The following DHRS7B variants were observed in gnomAD, a reference collection of about 807,000 sequenced individuals.
The protein encoded by DHRS7B is peroxisomal reductase activating PPAR-gamma.
Under a neutral mutation model 26.4 loss-of-function variants are expected in DHRS7B, and 24 were observed. The observed-to-expected ratio is 0.91, with a 90% confidence interval of 0.66 to 1.28. The LOEUF is 1.28. DHRS7B is among the 50% of genes most tolerant of loss of function. The pLI is 0.00. For synonymous variants in DHRS7B, 142 were observed against 166.4 expected, an observed-to-expected ratio of 0.85 and a Z score of 1.13; for missense variants, 368 against 419.4, an observed-to-expected ratio of 0.88 and a Z score of 1.07.
intron 1 of DHRS7B, among the ~76,000 whole-genome samples, chr17:21,141,199 C>G (rs986769831): frequency 6.6e-6 from 1 of 152,088 alleles, no homozygotes; most frequent in East Asian, 1.9e-4. Flanking sequence ...CCAGACACCC[C>G]CAGGAGGCCA....
chr17:21,186,253 G>A (rs113778741), intron 5 of DHRS7B, among the ~76,000 whole-genome samples: 1,757 of 152,354 alleles, frequency 0.012, 33 homozygotes, highest in African/African-American at 0.04. Flanking sequence ...GTGGTCCACA[G>A]TGTCCTTAGT....
At chr17:21,127,090 G>A (rs916457861) in intron 1 of DHRS7B, 99 bp downstream of exon 1, 4 of 1,333,994 alleles carry the variant, frequency 3.0e-6, no homozygotes, top group Middle Eastern at 1.9e-4. Flanking sequence ...GCGGTGTAGT[G>A]GTCGAGCTAA....
intron 1 of DHRS7B, among the ~76,000 whole-genome samples, chr17:21,149,114 A>G (rs1469023636): frequency 2.6e-5 from 4 of 152,166 alleles, no homozygotes; most frequent in Non-Finnish European, 5.9e-5. Context: ...GTCTGGCAAC[A>G]GACTTCTCAA....
chr17:21,151,443 G>A (rs538021031), intron 1 of DHRS7B, among the ~76,000 whole-genome samples: 2 of 151,022 alleles, frequency 1.3e-5, no homozygotes, highest in South Asian at 2.1e-4. Context: ...AACCTGGGAG[G>A]CGGAGTTGGC....
At chr17:21,180,071 T>C (rs1022384104) in intron 3 of DHRS7B, among the ~76,000 whole-genome samples, 10 of 140,788 alleles carry the variant, frequency 7.1e-5, no homozygotes, top group African/African-American at 2.5e-4. Context: ...CCAGCCCACT[T>C]TCTTTTTTTT....
At chr17:21,184,524 T>C in intron 5 of DHRS7B, 61 bp downstream of exon 5, 1 of 1,482,064 alleles carries the variant, frequency 6.7e-7, no homozygotes, top group Admixed American at 1.8e-5. Context: ...ATTATAAAAA[T>C]AACACATTTA....
chr17:21,183,545 G>C, intron 3 of DHRS7B, 49 bp from the exon 4 acceptor site: 1 of 1,569,730 alleles, frequency 6.4e-7, no homozygotes, highest in Non-Finnish European at 8.7e-7. Flanking sequence ...ACATAGCTCA[G>C]ATGGCCTGCC....
chr17:21,129,717 AAAAAAAAG>A (rs1426792723), intron 1 of DHRS7B, among the ~76,000 whole-genome samples: 1 of 151,210 alleles, frequency 6.6e-6, no homozygotes, highest in Non-Finnish European at 1.5e-5. Context: ...AAAAAAAAAA[AAAAAAAAG>A]AAAAAGAAAA....
At chr17:21,186,349 T>C (rs1974634713) in intron 5 of DHRS7B, among the ~76,000 whole-genome samples, 1 of 152,250 alleles carries the variant, frequency 6.6e-6, no homozygotes, top group African/African-American at 2.4e-5. Context: ...CTGAGAGCTC[T>C]GGGGAGACCC....
At chr17:21,168,109 G>A (rs921452176) in intron 1 of DHRS7B, among the ~76,000 whole-genome samples, 4 of 152,228 alleles carry the variant, frequency 2.6e-5, no homozygotes, top group Non-Finnish European at 5.9e-5. Flanking sequence ...AGCTAGGAAA[G>A]TGTTGGCACA....
intron 3 of DHRS7B, among the ~76,000 whole-genome samples, chr17:21,180,672 G>A (rs1184233308): frequency 6.6e-6 from 1 of 152,070 alleles, no homozygotes; most frequent in Admixed American, 6.6e-5. Flanking sequence ...TGGAGCATGA[G>A]GGTAGGAAGG....
intron 1 of DHRS7B, among the ~76,000 whole-genome samples, chr17:21,157,096 A>C (rs549114693): frequency 2.0e-5 from 3 of 152,290 alleles, no homozygotes; most frequent in African/African-American, 7.2e-5. Context: ...AACAGAAAGC[A>C]CCAAGCCCAG....
chr17:21,183,782 C>G lies in DHRS7B; in HGVS notation c.498C>G (p.Asn166Lys). The G allele has an allele frequency of 6.2e-7, 1 of 1,614,222 alleles. No homozygotes were observed. Among genetic ancestry groups the G allele is most frequent in the Non-Finnish European group, 8.5e-7 (1 of 1,180,028 alleles). Residue 166 changes from asparagine (N) to lysine (K), a missense_variant, in exon 4 of 7, where the codon AAC becomes AAG. Physicochemically the swap from Asn to Lys is moderately conservative, Grantham distance 94. Coordinates refer to ENST00000395511, the MANE Select transcript of DHRS7B (RefSeq NM_015510.5). ...VDVDKRVMET[N>K]YFGPVALTKA... ...TGGACAAGAGGGTCATGGAGACAAA[C>G]TACTTTGGCCCAGTTGCTCTAACGA...
rs1597734811 is a variant in DHRS7B at position 21,143,229 on chromosome 17, A to T, written c.20+16238A>T. On this transcript the variant is annotated intron_variant, in intron 1 of 6. Coordinates refer to ENST00000395511, the MANE Select transcript of DHRS7B (RefSeq NM_015510.5). ...GGTGTGAGCCACCGCACCCAGCCTA[A>T]TTTTTGTATTTTTAGTAGAGATGGG... Among the ~76,000 whole-genome samples the T allele has an allele frequency of 2.0e-5, 3 of 152,132 alleles. No individual in the cohort carries two copies. In the South Asian group the frequency reaches 6.2e-4, roughly 32 times the overall value.
intron 1 of DHRS7B, among the ~76,000 whole-genome samples, chr17:21,148,533 C>G (rs1039629869): frequency 2.6e-5 from 4 of 152,026 alleles, no homozygotes; most frequent in African/African-American, 9.7e-5. Flanking sequence ...CACTTTAAGT[C>G]AGGAGTTCGA....
At chr17:21,147,562 T>C (rs948781980) in intron 1 of DHRS7B, among the ~76,000 whole-genome samples, 1 of 152,168 alleles carries the variant, frequency 6.6e-6, no homozygotes, top group African/African-American at 2.4e-5. Context: ...GGTAAGAGAA[T>C]TGGACTTCCA....
chr17:21,170,129 G>A (rs1256571307), intron 1 of DHRS7B, among the ~76,000 whole-genome samples: 1 of 151,970 alleles, frequency 6.6e-6, no homozygotes, highest in African/African-American at 2.4e-5. Context: ...GTAATTTTCT[G>A]GTAAAGCTAT....
chr17:21,180,597 G>T (rs1974495446), intron 3 of DHRS7B, among the ~76,000 whole-genome samples: 2 of 151,970 alleles, frequency 1.3e-5, no homozygotes, highest in African/African-American at 4.8e-5. Flanking sequence ...GTGCCATTCA[G>T]TTGGTCTATA....
At chr17:21,162,780 A>T (rs1974025972) in intron 1 of DHRS7B, among the ~76,000 whole-genome samples, 1 of 152,224 alleles carries the variant, frequency 6.6e-6, no homozygotes. Context: ...GAACTTCTAG[A>T]GACCCAATTT....
Sources: allele counts gnomAD v4.1 joint callset (sites outside exome capture counted in the v4.1 genomes callset), GRCh38; gene constraint gnomAD v4.1.1; transcripts MANE v1.5; gene names NCBI Gene and HGNC (gene_info 2026-07-23, HGNC 2026-07-21).